Variants in RMST observed in about 807,000 individuals in gnomAD.
RMST encodes the protein long intergenic non-protein coding RNA 54.
intron 10 of RMST, among the ~76,000 whole-genome samples, chr12:97,523,949 G>A (rs1880785913): frequency 6.6e-6 from 1 of 151,596 alleles, no homozygotes; most frequent in Admixed American, 6.6e-5. Flanking sequence ...GGTGGTGCGT[G>A]CCTGTAGTCC....
chr12:97,503,866 C>G (rs969326420), intron 10 of RMST, among the ~76,000 whole-genome samples: 11 of 152,164 alleles, frequency 7.2e-5, no homozygotes, highest in African/African-American at 2.7e-4. Context: ...CTCACAGTCA[C>G]TGCTTGATAA....
intron 5 of RMST, among the ~76,000 whole-genome samples, chr12:97,471,354 T>C (rs1873890292): frequency 6.6e-6 from 1 of 152,150 alleles, no homozygotes; most frequent in Non-Finnish European, 1.5e-5. Context: ...CTCTAACTTA[T>C]ATGGGAGGAC....
intron 5 of RMST, among the ~76,000 whole-genome samples, chr12:97,490,170 G>A (rs1579201): frequency 0.28 from 42,814 of 152,104 alleles, 7,326 homozygotes; most frequent in African/African-American, 0.48. Flanking sequence ...CCTGGCGGAC[G>A]GACAGAGTAG....
At chr12:97,507,342 T>A (rs1423631827) in intron 10 of RMST, among the ~76,000 whole-genome samples, 1 of 150,474 alleles carries the variant, frequency 6.6e-6, no homozygotes, top group African/African-American at 2.5e-5. Flanking sequence ...CATACTGGCA[T>A]GTGGAGAAAG....
At chr12:97,488,011 T>G (rs1224590820) in intron 5 of RMST, among the ~76,000 whole-genome samples, 1 of 152,236 alleles carries the variant, frequency 6.6e-6, no homozygotes, top group African/African-American at 2.4e-5. Flanking sequence ...TCTGTGAGAC[T>G]TTCGGCAGAA....
At chr12:97,491,372 T>C (rs1220602882) in intron 5 of RMST, among the ~76,000 whole-genome samples, 1 of 152,184 alleles carries the variant, frequency 6.6e-6, no homozygotes, top group Non-Finnish European at 1.5e-5. Flanking sequence ...ACATTCCAGA[T>C]GAGTCGAGGG....
At chr12:97,519,544 T>C (rs1338410736) in intron 10 of RMST, among the ~76,000 whole-genome samples, 1 of 152,224 alleles carries the variant, frequency 6.6e-6, no homozygotes, top group Admixed American at 6.5e-5. Context: ...TTATTTGAAA[T>C]TTAATGTTCC....
At chr12:97,549,860 A>G (rs898648250) in intron 11 of RMST, among the ~76,000 whole-genome samples, 4 of 152,220 alleles carry the variant, frequency 2.6e-5, no homozygotes, top group African/African-American at 9.6e-5. Flanking sequence ...GTGTTCATTA[A>G]TGAAGGGTAG....
At chr12:97,543,403 A>G (rs969159546) in intron 11 of RMST, among the ~76,000 whole-genome samples, 4 of 152,000 alleles carry the variant, frequency 2.6e-5, no homozygotes, top group African/African-American at 9.7e-5. Context: ...TCATCCCTCT[A>G]GAAAGTAAAT....
intron 5 of RMST, among the ~76,000 whole-genome samples, chr12:97,483,942 GCC>G (rs1875767811): frequency 6.6e-6 from 1 of 152,048 alleles, no homozygotes; most frequent in Admixed American, 6.6e-5. Flanking sequence ...TTACTGTACT[GCC>G]CTTTATATAA....
intron 5 of RMST, among the ~76,000 whole-genome samples, chr12:97,466,727 T>G (rs1873237914): frequency 6.6e-6 from 1 of 152,138 alleles, no homozygotes; most frequent in Non-Finnish European, 1.5e-5. Flanking sequence ...ATACAATGTT[T>G]TTATTGCTCA....
intron 11 of RMST, chr12:97,533,245 A>G (rs1881815919): frequency 6.6e-6 from 1 of 151,844 alleles, no homozygotes; most frequent in Non-Finnish European, 1.5e-5. Flanking sequence ...CCCAATAGAA[A>G]AACAACCTAG....
intron 10 of RMST, among the ~76,000 whole-genome samples, chr12:97,515,572 A>G (rs1456049556): frequency 6.6e-6 from 1 of 152,090 alleles, no homozygotes; most frequent in Non-Finnish European, 1.5e-5. Flanking sequence ...CATAGTATCA[A>G]ACACACAGTA....
chr12:97,543,645 AT>A, intron 11 of RMST, among the ~76,000 whole-genome samples: 1 of 152,038 alleles, frequency 6.6e-6, no homozygotes, highest in East Asian at 1.9e-4. Flanking sequence ...CATTTATATA[AT>A]GTTTACTATA....
At chr12:97,563,705 GTCAC>G (rs1211873610) in intron 13 of RMST, 2 of 436,242 alleles carry the variant, frequency 4.6e-6, no homozygotes, top group Non-Finnish European at 9.1e-6. Context: ...TGTGCTTCCT[GTCAC>G]TTATGTGTAG....
intron 5 of RMST, among the ~76,000 whole-genome samples, chr12:97,468,357 T>G (rs1353595911): frequency 6.6e-6 from 1 of 152,086 alleles, no homozygotes; most frequent in African/African-American, 2.4e-5. Flanking sequence ...AGAGAAGGGC[T>G]ATATAGACTC....
chr12:97,470,535 T>C (rs1335518057), intron 5 of RMST, among the ~76,000 whole-genome samples: 3 of 152,000 alleles, frequency 2.0e-5, no homozygotes, highest in Admixed American at 1.3e-4. Context: ...TTTAAAGATC[T>C]TTAAATATTT....
intron 6 of RMST, chr12:97,493,149 C>T (rs914820342): frequency 1.3e-5 from 2 of 152,572 alleles, no homozygotes; most frequent in African/African-American, 4.8e-5. Context: ...TCAGAAACTA[C>T]ACGATTTTTG....
At chr12:97,533,992 A>T (rs1881882067) in intron 11 of RMST, among the ~76,000 whole-genome samples, 2 of 151,832 alleles carry the variant, frequency 1.3e-5, no homozygotes, top group African/African-American at 4.8e-5. Context: ...GACTGAGCTT[A>T]TTCAGCTGGC....
Sources: allele counts gnomAD v4.1 joint callset (sites outside exome capture counted in the v4.1 genomes callset), GRCh38; gene constraint gnomAD v4.1.1; transcripts MANE v1.5; gene names NCBI Gene and HGNC (gene_info 2026-07-23, HGNC 2026-07-21).